Variants in LIN9 observed in about 807,000 individuals in gnomAD.
The protein encoded by LIN9 is protein lin-9 homolog.
In LIN9, 18 loss-of-function variants were observed where a neutral mutation model predicts 78.0. The observed-to-expected ratio is 0.23, with a 90% confidence interval of 0.16 to 0.34. The LOEUF (loss-of-function observed/expected upper bound fraction) is 0.34, where lower values mean the gene tolerates loss of function less well. Among genes scored for constraint, LIN9 ranks in the 10% least tolerant of loss-of-function variants. The pLI, the probability that LIN9 is intolerant of heterozygous loss-of-function variation, is 1.00. For missense variants in LIN9, 451 were observed against 644.1 expected, an observed-to-expected ratio of 0.70 and a Z score of 3.25; for synonymous variants, 192 against 215.2, an observed-to-expected ratio of 0.89 and a Z score of 0.94.
At chr1:226,300,331 C>T (rs1218849074) in intron 2 of LIN9, among the ~76,000 whole-genome samples, 2 of 151,760 alleles carry the variant, frequency 1.3e-5, no homozygotes, top group African/African-American at 2.4e-5. Flanking sequence ...CAGCAGGATC[C>T]CTTGAGCCCA....
rs1475775201 is a variant in LIN9, at chr1:226,249,055, T to G, written c.1119+1784A>C. On this transcript the variant is annotated intron_variant, in intron 11 of 14. Transcript: ENST00000681046. ...CTATTTGAAAGCAGATAAGATTAAC[T>G]GGGCAAAGGCAAGCCCAGTGCTTTA... Among the ~76,000 whole-genome samples, 6 of 152,274 alleles carry G rather than the reference T, an allele frequency of 3.9e-5. 1 individual carries two copies. In the East Asian group the frequency reaches 1.2e-3, roughly 29 times the overall value.
intron 11 of LIN9, among the ~76,000 whole-genome samples, chr1:226,239,382 G>A (rs1242148573): frequency 6.6e-6 from 1 of 152,160 alleles, no homozygotes; most frequent in Non-Finnish European, 1.5e-5. Context: ...TGTAAGCAAT[G>A]TTCGTTATAT....
intron 9 of LIN9, 114 bp downstream of exon 9, chr1:226,266,099 A>G: frequency 1.8e-6 from 1 of 542,318 alleles, no homozygotes; most frequent in East Asian, 3.6e-5. Context: ...AATATTTTCA[A>G]TTCAAAATAG....
rs764876944 is a variant in LIN9 at position 226,287,691 on chromosome 1, T to C, written c.371A>G (p.Tyr124Cys). The C allele has an allele frequency of 1.3e-6, 2 of 1,551,198 alleles. No homozygotes were observed. The highest frequency in any genetic ancestry group is 2.4e-5 in the East Asian group (1 of 41,312). Residue 124 changes from tyrosine to cysteine, a missense_variant, in exon 5 of 15, where the codon TAC becomes TGC. Physicochemically the swap from Tyr to Cys is radical, Grantham distance 194 (BLOSUM62 -2). Transcript: ENST00000681046. ...KLPKAHKWCI[Y>C]EWFYSNIDKP... is the part of the protein sequence containing the mutation. ...ATCTATATTTGAATAGAACCACTCG[T>C]ATATACACCATTTATGTGCTTTAGG...
chr1:226,303,959 T>C (rs1464959413), intron 1 of LIN9, among the ~76,000 whole-genome samples: 1 of 152,232 alleles, frequency 6.6e-6, no homozygotes, highest in South Asian at 2.1e-4. Context: ...AAACAGGTTC[T>C]AGATTGAGAC....
chr1:226,248,207 A>G (rs1658606699), intron 11 of LIN9, among the ~76,000 whole-genome samples: 1 of 152,182 alleles, frequency 6.6e-6, no homozygotes, highest in Non-Finnish European at 1.5e-5. Flanking sequence ...TCTGTCACTG[A>G]GATGAAGAAG....
intron 10 of LIN9, among the ~76,000 whole-genome samples, chr1:226,258,350 T>C (rs1457216398): frequency 6.7e-6 from 1 of 149,298 alleles, no homozygotes; most frequent in South Asian, 2.1e-4. Context: ...AAAATACTAA[T>C]ATTAGCCAGA....
chr1:226,234,131 T>C (rs1657531578), intron 12 of LIN9, among the ~76,000 whole-genome samples: 1 of 152,204 alleles, frequency 6.6e-6, no homozygotes, highest in African/African-American at 2.4e-5. Flanking sequence ...GTAAGTTAAG[T>C]GTCTGCCAGA....
chr1:226,277,076 G>A (rs1003249654), intron 7 of LIN9, among the ~76,000 whole-genome samples: 11 of 151,962 alleles, frequency 7.2e-5, no homozygotes, highest in African/African-American at 2.7e-4. Flanking sequence ...CAGGTGTGGT[G>A]ATTCATGCCT....
At chr1:226,269,150 T>G (rs984387827) in intron 7 of LIN9, among the ~76,000 whole-genome samples, 6 of 152,240 alleles carry the variant, frequency 3.9e-5, no homozygotes, top group African/African-American at 1.4e-4. Context: ...AACCAAAAAG[T>G]ATAATACACA....
chr1:226,269,221 G>A (rs1057117161), intron 7 of LIN9, among the ~76,000 whole-genome samples: 3 of 152,126 alleles, frequency 2.0e-5, no homozygotes, highest in Non-Finnish European at 4.4e-5. Flanking sequence ...AGGATCAATT[G>A]ATAAAAACAC....
At chr1:226,249,939 GT>G (rs1270099925) in intron 11 of LIN9, among the ~76,000 whole-genome samples, 1 of 152,150 alleles carries the variant, frequency 6.6e-6, no homozygotes, top group Non-Finnish European at 1.5e-5. Flanking sequence ...TAATCCCGAG[GT>G]GGGTGGATCA....
chr1:226,256,104 C>G (rs1659172848), intron 10 of LIN9, among the ~76,000 whole-genome samples: 1 of 151,798 alleles, frequency 6.6e-6, no homozygotes, highest in African/African-American at 2.4e-5. Flanking sequence ...AATTCTGGTC[C>G]AGCTATGGTG....
rs1657382001 is a variant in LIN9, at chr1:226,232,193, A to T, written c.*308T>A. ...TGCGGTGAATTCATGCACATTAAAA[A>T]AAATGGTCAATGTATTCTTCCACGA... On this transcript the variant is annotated 3_prime_UTR_variant, in exon 15 of 15. Coordinates refer to ENST00000681046, the MANE Select transcript of LIN9 (RefSeq NM_001366245.2). 2.5e-6 allele frequency: 1 copy of T among 400,366 alleles called. No individual in the cohort carries two copies. The highest frequency in any genetic ancestry group is 2.1e-5 in the African/African-American group (1 of 48,650). The allele number at this position is 400,366 out of a possible 1,614,324, so 24.8% of individuals were successfully genotyped here. A position where few individuals can be genotyped will look rare whatever the true frequency, so the allele number is the denominator to read the frequency against.
At chr1:226,271,623 CTA>C (rs2102925735) in intron 7 of LIN9, among the ~76,000 whole-genome samples, 1 of 152,220 alleles carries the variant, frequency 6.6e-6, no homozygotes, top group African/African-American at 2.4e-5. Flanking sequence ...TTGAGATCCT[CTA>C]TATGTGTATT....
At chr1:226,256,560 T>G (rs115424225) in intron 10 of LIN9, among the ~76,000 whole-genome samples, 3,531 of 150,116 alleles carry the variant, frequency 0.024, 57 homozygotes, top group African/African-American at 0.044. Context: ...TAAATATATA[T>G]ATATATATAT....
At chr1:226,272,848 G>C (rs535261823) in intron 7 of LIN9, among the ~76,000 whole-genome samples, 1 of 152,270 alleles carries the variant, frequency 6.6e-6, no homozygotes, top group South Asian at 2.1e-4. Context: ...CCAATAAACA[G>C]TGTAGGGTCC....
intron 11 of LIN9, among the ~76,000 whole-genome samples, chr1:226,241,514 C>G (rs892593892): frequency 6.6e-6 from 1 of 152,140 alleles, no homozygotes; most frequent in Admixed American, 6.5e-5. Flanking sequence ...TTTACATATA[C>G]AGTATACATC....
At chr1:226,279,719 G>C (rs1486787032) in intron 6 of LIN9, among the ~76,000 whole-genome samples, 1 of 141,102 alleles carries the variant, frequency 7.1e-6, no homozygotes, top group South Asian at 2.3e-4. Flanking sequence ...AAGTTGTAGT[G>C]AGCCGAGATT....
Sources: gnomAD v4.1 joint callset for allele counts (sites outside exome capture counted in the v4.1 genomes callset) on GRCh38, gnomAD v4.1.1 for gene constraint, MANE v1.5 for transcripts, NCBI Gene and HGNC (gene_info 2026-07-23, HGNC 2026-07-21) for gene names.